The following FGL1 variants were observed in gnomAD, a reference collection of about 807,000 sequenced individuals.
The protein encoded by FGL1 is fibrinogen-like protein 1.
Under a neutral mutation model 43.7 loss-of-function variants are expected in FGL1, and 59 were observed. The observed-to-expected ratio is 1.35, with a 90% CI of 1.10 to 1.68. The LOEUF (loss-of-function observed/expected upper bound fraction) is 1.68, where lower values mean the gene tolerates loss of function less well. FGL1 is among the 40% of genes most tolerant of loss of function. The pLI is 0.00. For synonymous variants in FGL1, 192 were observed against 126.5 expected (o/e 1.52, Z -3.48); for missense variants, 596 against 373.0 (o/e 1.60, Z -4.92).
intron 1 of FGL1, among the ~76,000 whole-genome samples, chr8:17,894,610 C>G (rs1046775092): frequency 6.8e-6 from 1 of 146,528 alleles, no homozygotes; most frequent in Non-Finnish European, 1.5e-5. Flanking sequence ...AAACTGTAAA[C>G]CTATCATTTA....
intron 1 of FGL1, among the ~76,000 whole-genome samples, chr8:17,886,483 T>C (rs969420614): frequency 5.9e-5 from 9 of 151,910 alleles, no homozygotes; most frequent in African/African-American, 2.2e-4. Flanking sequence ...GGGGGCCTGG[T>C]GCGGTGGCTC....
chr8:17,893,419 A>G (rs1415073944), intron 1 of FGL1, among the ~76,000 whole-genome samples: 1 of 149,878 alleles, frequency 6.7e-6, no homozygotes, highest in African/African-American at 2.4e-5. Context: ...TGTATATATT[A>G]TAGATTATAT....
At chr8:17,889,720 C>T (rs1292420697) in intron 1 of FGL1, among the ~76,000 whole-genome samples, 2 of 152,188 alleles carry the variant, frequency 1.3e-5, no homozygotes, top group Non-Finnish European at 2.9e-5. Context: ...ATCTCCTGAA[C>T]CTCTTTCTTT....
chr8:17,866,948 A>G (rs1260330357), intron 7 of FGL1, among the ~76,000 whole-genome samples: 1 of 152,210 alleles, frequency 6.6e-6, no homozygotes, highest in African/African-American at 2.4e-5. Context: ...GAAAACCACT[A>G]AGGAAAACAC....
chr8:17,868,849 A>C, intron 6 of FGL1, 67 bp downstream of exon 6: 1 of 1,456,024 alleles, frequency 6.9e-7, no homozygotes, highest in Non-Finnish European at 9.4e-7. Context: ...ATTTCCACTG[A>C]CTCCAGGGTT....
intron 2 of FGL1, among the ~76,000 whole-genome samples, chr8:17,884,889 G>C (rs2053604857): frequency 6.6e-6 from 1 of 151,990 alleles, no homozygotes; most frequent in African/African-American, 2.4e-5. Context: ...AAATAATCTG[G>C]TTAGTTTTAC....
chr8:17,884,101 C>CTTCAT (rs2053592244), intron 2 of FGL1, among the ~76,000 whole-genome samples: 1 of 144,114 alleles, frequency 6.9e-6, no homozygotes, highest in Non-Finnish European at 1.5e-5. Context: ...CCCTCCCTTC[C>CTTCAT]TTCTTTTCTT....
intron 2 of FGL1, among the ~76,000 whole-genome samples, chr8:17,883,091 TATGTAATATATTAAATAATATATATC>T: frequency 2.5e-5 from 1 of 39,798 alleles, no homozygotes; most frequent in Admixed American, 3.2e-4. Context: ...ATATATATCA[TATGTAATATATTAAATAATATATATC>T]ATATATAATA....
At chr8:17,885,751 G>A in intron 1 of FGL1, 180 bp from the exon 2 acceptor site, 2 of 547,830 alleles carry the variant, frequency 3.7e-6, no homozygotes, top group East Asian at 2.9e-5. Flanking sequence ...GACACTGAGT[G>A]TTAACTAGAA....
chr8:17,874,326 T>G (rs1483989247), intron 4 of FGL1, 36 bp downstream of exon 4: 2 of 1,586,838 alleles, frequency 1.3e-6, no homozygotes, highest in Non-Finnish European at 1.7e-6. Context: ...TCACATTTGC[T>G]GCTACATATA....
chr8:17,888,208 C>G (rs1005105825), intron 1 of FGL1, among the ~76,000 whole-genome samples: 1 of 152,054 alleles, frequency 6.6e-6, no homozygotes, highest in Non-Finnish European at 1.5e-5. Context: ...GAGACACCCT[C>G]TGTGTATTTT....
intron 1 of FGL1, among the ~76,000 whole-genome samples, chr8:17,889,287 C>T (rs560418206): frequency 8.5e-5 from 13 of 152,328 alleles, no homozygotes; most frequent in Admixed American, 2.6e-4. Context: ...TGGTGGCTTA[C>T]GCCTGTAATC....
chr8:17,872,871 A>G lies in FGL1; in HGVS notation c.502+1148T>C, dbSNP rs35815697. 6.3e-3 allele frequency among the ~76,000 whole-genome samples: 953 copies of G among 152,298 alleles called. 11 individuals are homozygous for G. Among genetic ancestry groups the G allele is most frequent in the African/African-American group, 0.022 (921 of 41,566 alleles). ...ATAGGGAGACATCCAGATGTCTGCTATTTACTTTGAAATATATATACAGAA... is the reference window on the plus strand; with the variant it reads ...ATAGGGAGACATCCAGATGTCTGCTGTTTACTTTGAAATATATATACAGAA... On this transcript the variant is annotated intron_variant, in intron 5 of 7. Transcript: ENST00000427924.
intron 2 of FGL1, among the ~76,000 whole-genome samples, chr8:17,884,369 A>G (rs2053597987): frequency 6.6e-6 from 1 of 151,902 alleles, no homozygotes; most frequent in Non-Finnish European, 1.5e-5. Context: ...TAATTTTTGT[A>G]TTTTTAGTAG....
In FGL1 at chr8:17,874,020, T is replaced by G; in HGVS notation, c.501A>C (p.Gln167His). 6.3e-7 allele frequency: 1 copy of G among 1,596,942 alleles called. No homozygotes were observed. Among genetic ancestry groups the G allele is most frequent in the Non-Finnish European group, 8.5e-7 (1 of 1,174,208 alleles). Residue 167 changes from glutamine (Q) to histidine (H), a missense_variant and splice_region_variant, in exon 5 of 8, where the codon CAA becomes CAC. Transcript: ENST00000427924. The stretch of plus-strand genomic sequence containing the variant: ...AATCTGACATCATTCAAACCTTACC[T>G]TGAGTGGTCAAGAAGTGAAGATTTT... ...GNKNLHFLTT[Q>H]EDYTLKIDLA...
intron 5 of FGL1, among the ~76,000 whole-genome samples, chr8:17,869,357 T>G (rs535099670): frequency 7.9e-5 from 12 of 152,348 alleles, no homozygotes; most frequent in African/African-American, 2.9e-4. Context: ...TAGTTTGACC[T>G]CTTTTTCTTG....
chr8:17,887,811 G>C (rs767891242), intron 1 of FGL1, among the ~76,000 whole-genome samples: 1 of 148,200 alleles, frequency 6.7e-6, no homozygotes, highest in Middle Eastern at 3.2e-3. Flanking sequence ...CTCCAGCCCA[G>C]GTGACAGTGC....
At chr8:17,893,030 C>G (rs962206192) in intron 1 of FGL1, among the ~76,000 whole-genome samples, 1 of 152,070 alleles carries the variant, frequency 6.6e-6, no homozygotes, top group Non-Finnish European at 1.5e-5. Flanking sequence ...AAAACCCCGT[C>G]CCTACTAAAA....
chr8:17,895,536 A>G (rs1460481588), upstream of FGL1: 3 of 1,286,666 alleles, frequency 2.3e-6, no homozygotes, highest in Non-Finnish European at 3.0e-6. Flanking sequence ...GGAATTTGTA[A>G]TTATTTCTCC....
Sources: gnomAD v4.1 joint callset for allele counts (sites outside exome capture counted in the v4.1 genomes callset) on GRCh38, gnomAD v4.1.1 for gene constraint, MANE v1.5 for transcripts, NCBI Gene and HGNC (gene_info 2026-07-23, HGNC 2026-07-21) for gene names.